Variants in TAFA4 observed in about 807,000 individuals in gnomAD.
The protein encoded by TAFA4 is chemokine-like protein TAFA-4.
Under a neutral mutation model 21.1 loss-of-function variants are expected in TAFA4, and 20 were observed. The ratio of observed to expected loss-of-function variants is 0.95; its 90% CI spans 0.67 to 1.38. TAFA4 has a LOEUF of 1.38. Among genes scored for constraint, TAFA4 ranks in the 40% most tolerant of loss-of-function variants. TAFA4 has a pLI of 0.00. For synonymous variants in TAFA4, 71 were observed against 67.4 expected, an observed-to-expected ratio of 1.05 and a Z score of -0.26; for missense variants, 211 against 180.9, an observed-to-expected ratio of 1.17 and a Z score of -0.95.
rs557087253 is a variant in TAFA4 at position 68,771,037 on chromosome 3, G to C, written c.131-18019C>G. Among the ~76,000 whole-genome samples, 4 of 152,230 alleles carry C rather than the reference G, an allele frequency of 2.6e-5. No individual in the cohort carries two copies. The South Asian group carries it at 8.3e-4, about 32-fold the overall frequency. Reference sequence around the variant, plus strand: ...CGACTCGGACACCAAGGGGAGTTTGGCTGGGGGCGGTTGAAGAAGAGTCCA... The same window carrying C: ...CGACTCGGACACCAAGGGGAGTTTGCCTGGGGGCGGTTGAAGAAGAGTCCA... On this transcript the variant is annotated intron_variant, in intron 3 of 5. Transcript: ENST00000295569.
At chr3:68,926,531 G>C (rs1575677137) in intron 1 of TAFA4, among the ~76,000 whole-genome samples, 1 of 152,160 alleles carries the variant, frequency 6.6e-6, no homozygotes, top group East Asian at 1.9e-4. Context: ...GCGGACATTG[G>C]ATAAGACACT....
At chr3:68,783,669 CACACAGAGAGAG>C (rs1259231339) in intron 3 of TAFA4, among the ~76,000 whole-genome samples, 3 of 106,644 alleles carry the variant, frequency 2.8e-5, no homozygotes, top group African/African-American at 1.2e-4. Flanking sequence ...CAGACACACA[CACACAGAGAGAG>C]AGAGAGAGAG....
intron 3 of TAFA4, among the ~76,000 whole-genome samples, chr3:68,766,084 G>A (rs902828544): frequency 3.3e-5 from 5 of 152,048 alleles, no homozygotes; most frequent in African/African-American, 1.2e-4. Flanking sequence ...GAGAAACAAT[G>A]ACAAGGAACA....
At chr3:68,908,522 G>A (rs2089925651) in intron 1 of TAFA4, among the ~76,000 whole-genome samples, 3 of 147,512 alleles carry the variant, frequency 2.0e-5, no homozygotes. Flanking sequence ...AAGCAAAAGT[G>A]AAAAAAAAAA....
At chr3:68,853,685 T>C (rs539161791) in intron 3 of TAFA4, among the ~76,000 whole-genome samples, 3 of 152,262 alleles carry the variant, frequency 2.0e-5, no homozygotes, top group South Asian at 2.1e-4. Flanking sequence ...GTAATAAATA[T>C]TTACTGATTG....
intron 1 of TAFA4, among the ~76,000 whole-genome samples, chr3:68,888,557 T>G (rs1023931648): frequency 6.6e-6 from 1 of 152,190 alleles, no homozygotes; most frequent in African/African-American, 2.4e-5. Flanking sequence ...ACCAATTTTT[T>G]GCCTTAGTCT....
intron 3 of TAFA4, among the ~76,000 whole-genome samples, chr3:68,785,615 C>T (rs576543299): frequency 2.4e-4 from 36 of 152,386 alleles, no homozygotes; most frequent in African/African-American, 7.9e-4. Context: ...CCACAAGCAC[C>T]GCGTGCAGCC....
At chr3:68,878,465 C>T (rs1272675220) in intron 3 of TAFA4, among the ~76,000 whole-genome samples, 1 of 152,156 alleles carries the variant, frequency 6.6e-6, no homozygotes, top group Non-Finnish European at 1.5e-5. Context: ...AGTTGAGTTT[C>T]TGAAACTTCC....
At chr3:68,801,201 G>T (rs1463997505) in intron 3 of TAFA4, among the ~76,000 whole-genome samples, 5 of 152,120 alleles carry the variant, frequency 3.3e-5, no homozygotes, top group Admixed American at 3.3e-4. Context: ...TTTTCTGATG[G>T]TCATAGACAT....
intron 1 of TAFA4, among the ~76,000 whole-genome samples, chr3:68,908,840 A>G (rs1559560227): frequency 6.6e-6 from 1 of 152,124 alleles, no homozygotes; most frequent in Non-Finnish European, 1.5e-5. Context: ...ACAATATCCT[A>G]TTTTTCAGTT....
Position 68,876,907 on chromosome 3 carries a change from A to G in TAFA4, c.130+3823T>C, listed in dbSNP as rs1202470577. ...TTTCCCAGGTATTAATTGATTCCTT[A>G]TTATAACCGTGAGACTTATTTTTTA... On this transcript the variant is annotated intron_variant, in intron 3 of 5. Transcript: ENST00000295569. Among the ~76,000 whole-genome samples the G allele has an allele frequency of 2.0e-5, 3 of 152,182 alleles. No homozygotes were observed. In the East Asian group the frequency reaches 5.8e-4, roughly 29 times the overall value.
At chr3:68,736,654 T>C (rs998922128) in intron 5 of TAFA4, among the ~76,000 whole-genome samples, 2 of 152,144 alleles carry the variant, frequency 1.3e-5, no homozygotes, top group Admixed American at 1.3e-4. Context: ...ATTGCTCTGC[T>C]TTTCTAGGAC....
chr3:68,767,473 A>G (rs1702876907), intron 3 of TAFA4, among the ~76,000 whole-genome samples: 2 of 152,174 alleles, frequency 1.3e-5, no homozygotes, highest in African/African-American at 2.4e-5. Context: ...CAGAAAAACT[A>G]TCCAAGAAAG....
intron 3 of TAFA4, among the ~76,000 whole-genome samples, chr3:68,775,201 G>T (rs1356790546): frequency 6.6e-6 from 1 of 152,144 alleles, no homozygotes; most frequent in Non-Finnish European, 1.5e-5. Flanking sequence ...GGATTTGGGG[G>T]AATTTGTACT....
At chr3:68,767,923 T>C (rs1702886375) in intron 3 of TAFA4, among the ~76,000 whole-genome samples, 1 of 150,932 alleles carries the variant, frequency 6.6e-6, no homozygotes. Flanking sequence ...CTTTTTTTCC[T>C]ATACTGCTAA....
intron 3 of TAFA4, among the ~76,000 whole-genome samples, chr3:68,771,849 A>G (rs1316046452): frequency 6.6e-6 from 1 of 152,204 alleles, no homozygotes; most frequent in Non-Finnish European, 1.5e-5. Flanking sequence ...GTGTTACCAA[A>G]CCTGCTTACA....
intron 3 of TAFA4, among the ~76,000 whole-genome samples, chr3:68,777,505 A>T (rs1354398858): frequency 2.0e-5 from 3 of 152,134 alleles, no homozygotes; most frequent in Admixed American, 6.5e-5. Flanking sequence ...ATTTAAATTT[A>T]AGCAGCTACA....
At chr3:68,737,896 A>G (rs1234118425) in intron 5 of TAFA4, among the ~76,000 whole-genome samples, 3 of 152,214 alleles carry the variant, frequency 2.0e-5, no homozygotes, top group Non-Finnish European at 4.4e-5. Flanking sequence ...CAGTATGTCC[A>G]GCTCTAATGA....
At chr3:68,927,046 G>T (rs2090114362) in intron 1 of TAFA4, among the ~76,000 whole-genome samples, 1 of 152,112 alleles carries the variant, frequency 6.6e-6, no homozygotes, top group South Asian at 2.1e-4. Flanking sequence ...GCCCCAAATT[G>T]TAACAATCAA....
Sources: allele counts gnomAD v4.1 joint callset (sites outside exome capture counted in the v4.1 genomes callset), GRCh38; gene constraint gnomAD v4.1.1; transcripts MANE v1.5; gene names NCBI Gene and HGNC (gene_info 2026-07-23, HGNC 2026-07-21).